BRAF: variants seen among roughly 807,000 people sequenced by gnomAD.
BRAF encodes serine/threonine-protein kinase B-raf.
A neutral mutation model predicts 104.6 loss-of-function variants in BRAF; 16 were observed. The ratio of observed to expected loss-of-function variants is 0.15; its 90% CI spans 0.10 to 0.23. The LOEUF is 0.23. BRAF is among the 10% of genes least tolerant of loss of function. BRAF has a pLI of 1.00. For synonymous variants in BRAF, 310 were observed against 341.6 expected (o/e 0.91, Z 1.02); for missense variants, 541 against 937.3 (o/e 0.58, Z 5.52).
intron 16 of BRAF, among the ~76,000 whole-genome samples, chr7:140,750,799 T>A (rs74769198): frequency 2.4e-4 from 36 of 150,202 alleles, no homozygotes; most frequent in East Asian, 7.7e-4. Context: ...TTTTTTTTTT[T>A]AATTTAGTTT....
rs928559327 is a variant in BRAF, at chr7:140,890,280, C to T, written c.138+34286G>A. On this transcript the variant is annotated intron_variant, in intron 1 of 19. Coordinates refer to ENST00000644969, the MANE Select transcript of BRAF (RefSeq NM_001374258.1). ...TTTTTAATCATAAAATTAAGTGGCA[C>T]ATTATTACTATAAAACTTTTTTGGG... 3.5e-4 allele frequency among the ~76,000 whole-genome samples: 53 copies of T among 152,122 alleles called. 1 individual carries two copies. The highest frequency in any genetic ancestry group is 1.1e-3 in the African/African-American group (46 of 41,428).
At chr7:140,757,576 C>G (rs529586049) in intron 14 of BRAF, among the ~76,000 whole-genome samples, 2 of 152,204 alleles carry the variant, frequency 1.3e-5, no homozygotes, top group Admixed American at 1.3e-4. Flanking sequence ...GCGTGAGCCA[C>G]CACGCCCAGC....
intron 1 of BRAF, among the ~76,000 whole-genome samples, chr7:140,865,513 T>C (rs1810870984): frequency 6.6e-6 from 1 of 152,196 alleles, no homozygotes; most frequent in East Asian, 1.9e-4. Flanking sequence ...TAGCGGGCAT[T>C]TTGTCAGGCC....
intron 14 of BRAF, among the ~76,000 whole-genome samples, chr7:140,755,502 G>A (rs1463696234): frequency 6.6e-6 from 1 of 152,002 alleles, no homozygotes; most frequent in Admixed American, 6.6e-5. Context: ...GTATTTTCTA[G>A]ATAAAATTTT....
chr7:140,882,547 T>G (rs1563014688), intron 1 of BRAF, among the ~76,000 whole-genome samples: 1 of 151,930 alleles, frequency 6.6e-6, no homozygotes, highest in African/African-American at 2.4e-5. Context: ...CCAGCTAATT[T>G]TTGTATTTTT....
intron 11 of BRAF, 143 bp downstream of exon 10, chr7:140,782,878 A>G: frequency 9.1e-7 from 1 of 1,094,270 alleles, no homozygotes; most frequent in Non-Finnish European, 1.3e-6. Flanking sequence ...CTTTAAGCAA[A>G]AAACTATCAG....
At chr7:140,899,917 A>G (rs1429887025) in intron 1 of BRAF, among the ~76,000 whole-genome samples, 1 of 152,184 alleles carries the variant, frequency 6.6e-6, no homozygotes, top group African/African-American at 2.4e-5. Flanking sequence ...CAAGACTAAA[A>G]TACTGTGGTT....
intron 14 of BRAF, among the ~76,000 whole-genome samples, chr7:140,776,645 T>C (rs1800363598): frequency 6.6e-6 from 1 of 152,232 alleles, no homozygotes. Context: ...CTTCTGAACC[T>C]CTCTTGCTTA....
chr7:140,781,419 T>C lies in BRAF; in HGVS notation c.1552+157A>G. 1 of 744,460 alleles carries C rather than the reference T, an allele frequency of 1.3e-6. No homozygotes were observed. The highest frequency in any genetic ancestry group is 2.3e-6 in the Non-Finnish European group (1 of 433,798). 46.1% of individuals were successfully genotyped at this position (744,460 alleles called of 1,614,324 possible). A position where few individuals can be genotyped will look rare whatever the true frequency, so the allele number is the denominator to read the frequency against. On this transcript the variant is annotated intron_variant, in intron 12 of 19. Transcript: ENST00000644969. The stretch of plus-strand genomic sequence containing the variant: ...TGTGAACAGTTTTTATTTCCCATAA[T>C]TTTTGTTAGAAACTTTTGGAGGAGT...
At chr7:140,787,228 G>C (rs1801464210) in intron 9 of BRAF, among the ~76,000 whole-genome samples, 1 of 149,688 alleles carries the variant, frequency 6.7e-6, no homozygotes, top group African/African-American at 2.5e-5. Flanking sequence ...GTGAACCCGG[G>C]AGGCGGAGCT....
chr7:140,808,259 G>A (rs1803858961), intron 4 of BRAF, 197 bp from the exon 5 acceptor site: 1 of 609,092 alleles, frequency 1.6e-6, no homozygotes, highest in African/African-American at 1.9e-5. Context: ...TATCACTCTT[G>A]GACAAACAGC....
At position 140,911,328 on chromosome 7, in the gene BRAF, A is replaced by T. The variant is rs1816945579; in HGVS notation, c.138+13238T>A. Among the ~76,000 whole-genome samples the T allele has an allele frequency of 2.0e-5, 3 of 152,224 alleles. No homozygotes were observed. In the South Asian group the frequency reaches 6.2e-4, roughly 31 times the overall value. On this transcript the variant is annotated intron_variant, in intron 1 of 19. Transcript: ENST00000644969. ...GCTATGCAAATTTGAAGTGCACAGT[A>T]GCCACATAGATACGGCTACTGTCTA...
intron 5 of BRAF, among the ~76,000 whole-genome samples, chr7:140,806,975 GA>G (rs1317378591): frequency 6.6e-6 from 1 of 152,124 alleles, no homozygotes; most frequent in Non-Finnish European, 1.5e-5. Flanking sequence ...TATCCACCTA[GA>G]AAAAACTCTG....
intron 1 of BRAF, among the ~76,000 whole-genome samples, chr7:140,855,394 T>C (rs1809660437): frequency 6.6e-6 from 1 of 152,072 alleles, no homozygotes; most frequent in African/African-American, 2.4e-5. Flanking sequence ...CCAAGCAAGC[T>C]TAGTAAATAA....
intron 2 of BRAF, among the ~76,000 whole-genome samples, chr7:140,844,322 A>G (rs1478936175): frequency 6.6e-6 from 1 of 152,322 alleles, no homozygotes; most frequent in Non-Finnish European, 1.5e-5. Context: ...GTTCTCTGTT[A>G]CTTTTGCTTC....
At chr7:140,768,689 G>T (rs765529714) in intron 14 of BRAF, among the ~76,000 whole-genome samples, 1 of 151,978 alleles carries the variant, frequency 6.6e-6, no homozygotes, top group African/African-American at 2.4e-5. Flanking sequence ...TAGAGATGAG[G>T]TCTTACTATG....
chr7:140,909,995 TG>T (rs1193340696), intron 1 of BRAF, among the ~76,000 whole-genome samples: 1 of 152,208 alleles, frequency 6.6e-6, no homozygotes, highest in Non-Finnish European at 1.5e-5. Context: ...CAAACTGTCC[TG>T]AACATTGTGG....
chr7:140,794,307 C>T lies in BRAF; in HGVS notation c.1140+1G>A, dbSNP rs1368590056. ...TAGTTCTAGCAATGCTGGATACTTA[C>T]ATCAATATTGACAGGTTCTATTGTG... is the stretch of plus-strand genomic sequence containing the variant. On this transcript the variant is annotated splice_donor_variant, in intron 8 of 19. Transcript: ENST00000644969. LOFTEE classifies it high-confidence loss of function. 1 of 1,613,854 alleles carries T rather than the reference C, an allele frequency of 6.2e-7. No homozygotes were observed. The highest frequency in any genetic ancestry group is 1.1e-5 in the South Asian group (1 of 91,070).
At chr7:140,749,498 C>G in intron 16 of BRAF, 80 bp from the exon 16 acceptor site, 2 of 1,470,272 alleles carry the variant, frequency 1.4e-6, no homozygotes, top group Non-Finnish European at 1.9e-6. Context: ...ATTCCTAGAG[C>G]AATGCTTTTA....
Sources: allele counts gnomAD v4.1 joint callset (sites outside exome capture counted in the v4.1 genomes callset), GRCh38; gene constraint gnomAD v4.1.1; transcripts MANE v1.5; gene names NCBI Gene and HGNC (gene_info 2026-07-23, HGNC 2026-07-21).